Variants in POU2F1 observed in about 807,000 individuals in gnomAD.
The protein encoded by POU2F1 is POU class 2 homeobox 1, also known as POU domain, class 2, transcription factor 1.
In POU2F1, 16 loss-of-function variants were observed where a neutral mutation model predicts 84.9. That is an observed-to-expected ratio of 0.19 (90% CI 0.13 to 0.29). The LOEUF (loss-of-function observed/expected upper bound fraction) is 0.29. POU2F1 is among the 10% of genes least tolerant of loss of function. The probability of loss-of-function intolerance (pLI) is 1.00; values close to 1 mark genes in which losing one functional copy is unlikely to be tolerated. For missense variants in POU2F1, 738 were observed against 942.6 expected, an observed-to-expected ratio of 0.78 and a Z score of 2.84; for synonymous variants, 368 against 368.3, an observed-to-expected ratio of 1.00 and a Z score of 0.01.
At chr1:167,307,608 T>G (rs759245189) in intron 1 of POU2F1, among the ~76,000 whole-genome samples, 3 of 152,168 alleles carry the variant, frequency 2.0e-5, no homozygotes, top group Non-Finnish European at 2.9e-5. Context: ...CTGGAACCTT[T>G]TGAGAGTAAG....
chr1:167,275,720 A>G (rs1178658124), intron 1 of POU2F1, among the ~76,000 whole-genome samples: 1 of 152,124 alleles, frequency 6.6e-6, no homozygotes, highest in African/African-American at 2.4e-5. Flanking sequence ...TTTAAATTCT[A>G]CCACCCCCTG....
chr1:167,308,255 C>T (rs575331859), intron 1 of POU2F1, among the ~76,000 whole-genome samples: 2 of 151,902 alleles, frequency 1.3e-5, no homozygotes, highest in Admixed American at 1.3e-4. Flanking sequence ...TTAATAGAGA[C>T]GGGGTTTCAT....
chr1:167,266,464 T>A (rs1651961701), intron 1 of POU2F1, among the ~76,000 whole-genome samples: 1 of 152,158 alleles, frequency 6.6e-6, no homozygotes, highest in Admixed American at 6.5e-5. Flanking sequence ...TGTCATAATC[T>A]CAATTTGAAG....
chr1:167,228,162 T>C (rs1648780641), intron 1 of POU2F1, among the ~76,000 whole-genome samples: 1 of 152,184 alleles, frequency 6.6e-6, no homozygotes, highest in Non-Finnish European at 1.5e-5. Context: ...GGGGAGATTG[T>C]GTTCAACATT....
chr1:167,293,714 A>G (rs1654086416), intron 1 of POU2F1, among the ~76,000 whole-genome samples: 1 of 152,196 alleles, frequency 6.6e-6, no homozygotes, highest in Non-Finnish European at 1.5e-5. Context: ...GTTATACTAC[A>G]AGGCTGTAGT....
intron 2 of POU2F1, among the ~76,000 whole-genome samples, chr1:167,359,369 A>G (rs534112655): frequency 6.6e-6 from 1 of 152,064 alleles, no homozygotes; most frequent in Admixed American, 6.6e-5. Context: ...CCCTTTTGGA[A>G]TCCCTAGTTT....
Position 167,365,487 on chromosome 1 carries a change from G to T in POU2F1, c.148G>T (p.Asp50Tyr), listed in dbSNP as rs1477382909. 6.2e-7 allele frequency: 1 copy of T among 1,601,128 alleles called. No individual in the cohort carries two copies. The highest frequency in any genetic ancestry group is 8.5e-7 in the Non-Finnish European group (1 of 1,174,654). ...TCTAGGCACACAAACCAATGGTCTG[G>T]ACTTTCAGAAGCAGCCTGTGCCTGT... ...GNTGTQTNGL[D>Y]FQKQPVPVGG... The change falls in exon 3 of 16, where the codon GAC (aspartate) becomes TAC (tyrosine). Residue 50 changes from aspartate (D) to tyrosine (Y), a missense_variant. Physicochemically the swap from Asp to Tyr is radical, Grantham distance 160. Transcript: ENST00000367866.
intron 2 of POU2F1, among the ~76,000 whole-genome samples, chr1:167,361,750 G>A (rs564688747): frequency 2.6e-5 from 4 of 152,212 alleles, no homozygotes; most frequent in African/African-American, 9.6e-5. Context: ...GAATTGGTAC[G>A]AGCTCTTCCT....
Position 167,419,597 on chromosome 1 carries a change from A to C in POU2F1, c.*3787A>C, listed in dbSNP as rs1650520311. ...AAGGGCTTCTCACAGGAACAATATTACTATGTTGTTCTAAGAAAAAATAAG... is the reference window on the plus strand; with the variant it reads ...AAGGGCTTCTCACAGGAACAATATTCCTATGTTGTTCTAAGAAAAAATAAG... On this transcript the variant is annotated 3_prime_UTR_variant, in exon 16 of 16. Coordinates refer to ENST00000367866, the MANE Select transcript of POU2F1 (RefSeq NM_002697.4). 1 of 152,226 alleles carries C rather than the reference A, an allele frequency of 6.6e-6. No individual in the cohort carries two copies. Among genetic ancestry groups the C allele is most frequent in the Non-Finnish European group, 1.5e-5 (1 of 68,040 alleles). The allele number at this position is 152,226 out of a possible 1,614,324, so 9.4% of individuals were successfully genotyped here.
intron 9 of POU2F1, among the ~76,000 whole-genome samples, chr1:167,394,304 A>T (rs1043829809): frequency 2.0e-5 from 3 of 152,170 alleles, no homozygotes; most frequent in African/African-American, 7.2e-5. Context: ...TACAGTTGTG[A>T]GCCACCGTGC....
At chr1:167,260,404 T>G (rs1651468946) in intron 1 of POU2F1, among the ~76,000 whole-genome samples, 1 of 152,194 alleles carries the variant, frequency 6.6e-6, no homozygotes, top group Non-Finnish European at 1.5e-5. Flanking sequence ...GCCTTTTCCT[T>G]TATGGTTTGT....
At chr1:167,297,117 A>G (rs563844443) in intron 1 of POU2F1, among the ~76,000 whole-genome samples, 4 of 152,374 alleles carry the variant, frequency 2.6e-5, no homozygotes, top group African/African-American at 7.2e-5. Context: ...CAACTTGTTC[A>G]TAATGTGCAT....
At chr1:167,357,890 G>C (rs944463367) in intron 2 of POU2F1, among the ~76,000 whole-genome samples, 2 of 138,324 alleles carry the variant, frequency 1.4e-5, no homozygotes, top group Non-Finnish European at 3.0e-5. Flanking sequence ...TGCAACCTCC[G>C]CTTCCTGGGT....
intron 1 of POU2F1, among the ~76,000 whole-genome samples, chr1:167,228,133 TA>T (rs1428302238): frequency 6.6e-6 from 1 of 152,204 alleles, no homozygotes; most frequent in Non-Finnish European, 1.5e-5. Flanking sequence ...GGAATGGGAA[TA>T]CAGAGAAGGC....
Position 167,415,566 on chromosome 1 carries a change from A to T in POU2F1, c.2057A>T (p.Asn686Ile). 2 of 1,614,146 alleles carry T rather than the reference A, an allele frequency of 1.2e-6. No homozygotes were observed. The highest frequency in any genetic ancestry group is 1.7e-6 in the Non-Finnish European group (2 of 1,180,016). Reference protein sequence around the residue: ...LDATGNLVFANAGGAPNIVTA... With the variant: ...LDATGNLVFAIAGGAPNIVTA... ...GCAACTGGGAACCTGGTATTTGCCA[A>T]TGCGGGAGGAGCCCCCAACATCGTG... Residue 686 changes from asparagine to isoleucine, a missense_variant, in exon 16 of 16, where the codon AAT becomes ATT. Asn to Ile is a moderately radical substitution (Grantham distance 149, BLOSUM62 -3). Coordinates refer to ENST00000367866, the MANE Select transcript of POU2F1 (RefSeq NM_002697.4).
intron 13 of POU2F1, among the ~76,000 whole-genome samples, chr1:167,407,609 A>G (rs1649671525): frequency 6.6e-6 from 1 of 152,238 alleles, no homozygotes; most frequent in South Asian, 2.1e-4. Flanking sequence ...TTTATGCTTT[A>G]TTGATTTTTG....
chr1:167,359,902 C>T (rs1390529499), intron 2 of POU2F1, among the ~76,000 whole-genome samples: 1 of 139,586 alleles, frequency 7.2e-6, no homozygotes, highest in African/African-American at 2.7e-5. Flanking sequence ...GAGATGGTAT[C>T]TCATTGTTAT....
chr1:167,323,636 C>T lies in POU2F1; in HGVS notation c.62-8834C>T, dbSNP rs116209538. Among the ~76,000 whole-genome samples, 504 of 152,238 alleles carry T rather than the reference C, an allele frequency of 3.3e-3. 1 individual carries two copies. Among genetic ancestry groups the T allele is most frequent in the African/African-American group, 0.011 (474 of 41,536 alleles). On this transcript the variant is annotated intron_variant, in intron 1 of 15. Coordinates refer to ENST00000367866, the MANE Select transcript of POU2F1 (RefSeq NM_002697.4). ...TTGTAAAGTTATTAAGAACCATTTACTTGTTTGTGCTCCCAATACTGTTCA... is the reference window on the plus strand; with the variant it reads ...TTGTAAAGTTATTAAGAACCATTTATTTGTTTGTGCTCCCAATACTGTTCA...
intron 2 of POU2F1, among the ~76,000 whole-genome samples, chr1:167,343,844 G>T (rs1658025419): frequency 6.6e-6 from 1 of 151,768 alleles, no homozygotes; most frequent in South Asian, 2.1e-4. Context: ...TGTACTTGGG[G>T]TGCCTTGTGG....
Sources: allele counts gnomAD v4.1 joint callset (sites outside exome capture counted in the v4.1 genomes callset), GRCh38; gene constraint gnomAD v4.1.1; transcripts MANE v1.5; gene names NCBI Gene and HGNC (gene_info 2026-07-23, HGNC 2026-07-21).